The following INTS6 variants were observed in gnomAD, a reference collection of about 807,000 sequenced individuals.
INTS6 encodes the protein integrator complex subunit 6, also known as DEAD box protein.
In INTS6, 16 loss-of-function variants were observed where a neutral mutation model predicts 104.9. The observed-to-expected ratio is 0.15, with a 90% CI of 0.10 to 0.23. INTS6 has a LOEUF of 0.23. INTS6 is among the 10% of genes least tolerant of loss of function. The pLI is 1.00. For missense variants in INTS6, 584 were observed against 1,062.8 expected (o/e 0.55, Z 6.26); for synonymous variants, 324 against 358.7 (o/e 0.90, Z 1.09).
chr13:51,421,120 C>T (rs1956888779), intron 4 of INTS6: 2 of 985,706 alleles, frequency 2.0e-6, no homozygotes, highest in African/African-American at 1.7e-5. Context: ...ACCTTTAAGG[C>T]TTTTTCTGAG....
rs141433862 is a variant in INTS6, at chr13:51,450,413, AGT to A, written c.339+610_339+611del. 9.6e-3 allele frequency: 9,480 copies of A among 985,412 alleles called. 96 individuals are homozygous for A. The highest frequency in any genetic ancestry group is 0.073 in the East Asian group (648 of 8,820). 61.0% of individuals were successfully genotyped at this position (985,412 alleles called of 1,614,324 possible). A position where few individuals can be genotyped will look rare whatever the true frequency, so the allele number is the denominator to read the frequency against. On this transcript the variant is annotated intron_variant, in intron 3 of 17. Transcript: ENST00000311234. ...GAAGGGTTCTTTCATATTTTCCAGC[AGT>A]CTTTTTTTCCAAGGGTTTGGAGTTT...
In INTS6 at chr13:51,452,520, G is replaced by A. The variant is rs778770146; in HGVS notation, c.6C>T (p.Pro2=). 2 of 1,611,004 alleles carry A rather than the reference G, an allele frequency of 1.2e-6. No individual in the cohort carries two copies. Among genetic ancestry groups the A allele is most frequent in the East Asian group, 2.2e-5 (1 of 44,710 alleles). Residue 2 remains proline, a synonymous_variant, in exon 1 of 18, where the codon CCC becomes CCT. Coordinates refer to ENST00000311234, the MANE Select transcript of INTS6 (RefSeq NM_012141.3). This position sits in a 1 kb window ranked among gnomAD's most constrained non-coding sequence, Gnocchi z 4.2. ...ACGTGTCTATCAGGAACAGTAAGATGGGCATAGTGCTGGCCGGGGACACCG... is the reference window on the plus strand; with the variant it reads ...ACGTGTCTATCAGGAACAGTAAGATAGGCATAGTGCTGGCCGGGGACACCG... M[P]ILLFLIDTSA...
intron 4 of INTS6, among the ~76,000 whole-genome samples, chr13:51,423,530 GGA>G (rs1161598961): frequency 2.6e-5 from 4 of 152,020 alleles, no homozygotes; most frequent in African/African-American, 7.2e-5. Flanking sequence ...TGGGGTCTAA[GGA>G]GAGTCCTCAA....
At chr13:51,375,475 G>GC (rs1566208697) in intron 13 of INTS6, among the ~76,000 whole-genome samples, 1,286 of 75,278 alleles carry the variant, frequency 0.017, 19 homozygotes, top group African/African-American at 0.097. Flanking sequence ...GTACAGTATG[G>GC]TAAAAAAAAA....
At chr13:51,373,153 A>G (rs1955846273) in intron 15 of INTS6, among the ~76,000 whole-genome samples, 1 of 148,224 alleles carries the variant, frequency 6.7e-6, no homozygotes, top group African/African-American at 2.5e-5. Flanking sequence ...TGTCCCCTGT[A>G]TTTCCTATAA....
intron 2 of INTS6, 141 bp downstream of exon 2, chr13:51,451,837 G>T (rs1037552936): frequency 2.1e-6 from 1 of 483,458 alleles, no homozygotes; most frequent in Non-Finnish European, 3.7e-6. Flanking sequence ...GTGGGAGCCC[G>T]CAGGGAAGAG....
rs917354867 is a variant in INTS6, at chr13:51,406,645, A to G, written c.430-11162T>C. On this transcript the variant is annotated intron_variant, in intron 4 of 17. Transcript: ENST00000311234. ...TTTATCTCCCTCTCCTCCACCCCCTACCTCTAAATAAAACCCTTGGATGGC... is the reference window on the plus strand; with the variant it reads ...TTTATCTCCCTCTCCTCCACCCCCTGCCTCTAAATAAAACCCTTGGATGGC... Among the ~76,000 whole-genome samples, 18 of 151,966 alleles carry G rather than the reference A, an allele frequency of 1.2e-4. No homozygotes were observed. The East Asian group carries it at 2.5e-3, about 21-fold the overall frequency.
chr13:51,381,705 T>G (rs919138838), intron 10 of INTS6, among the ~76,000 whole-genome samples: 20 of 151,774 alleles, frequency 1.3e-4, no homozygotes, highest in African/African-American at 4.6e-4. Flanking sequence ...TTTTTTGTTT[T>G]TTTTTTTTTG....
At chr13:51,449,409 A>G in intron 3 of INTS6, 1 of 942,286 alleles carries the variant, frequency 1.1e-6, no homozygotes, top group Non-Finnish European at 1.3e-6. Flanking sequence ...ATCAACTGGG[A>G]AAAGGAAAAT....
Position 51,369,279 on chromosome 13 carries a change from A to G in INTS6, c.2136T>C (p.His712=). 1 of 1,611,676 alleles carries G rather than the reference A, an allele frequency of 6.2e-7. No individual in the cohort carries two copies. The highest frequency in any genetic ancestry group is 1.3e-5 in the African/African-American group (1 of 74,988). Residue 712 remains histidine, a synonymous_variant, in exon 16 of 18, where the codon CAT becomes CAC. Coordinates refer to ENST00000311234, the MANE Select transcript of INTS6 (RefSeq NM_012141.3). ...CTGCAACATGATTTTCAACCACATC[A>G]TGTATTATCGAATCATTAGTGGTTT... ...ISETTNDSII[H]DVVENHVADQ...
At chr13:51,451,368 G>A in intron 2 of INTS6, 194 bp from the exon 3 acceptor site, 1 of 389,194 alleles carries the variant, frequency 2.6e-6, no homozygotes, top group Non-Finnish European at 4.5e-6. Context: ...TCCTCTCTAG[G>A]TTTTGGTAGT....
downstream of INTS6, among the ~76,000 whole-genome samples, chr13:51,351,741 TG>T (rs959222319): frequency 4.6e-5 from 7 of 152,134 alleles, no homozygotes; most frequent in Admixed American, 2.6e-4. Flanking sequence ...TTTAGGTGTA[TG>T]TTTTTTTTCC....
intron 3 of INTS6, chr13:51,440,317 T>A (rs1328255446): frequency 1.3e-5 from 2 of 152,024 alleles, no homozygotes; most frequent in African/African-American, 4.8e-5. Flanking sequence ...AGAATAAGGA[T>A]ATAAATATTT....
rs1057129923 is a variant in INTS6, at chr13:51,413,103, C to T, written c.429+17191G>A. 2.0e-5 allele frequency among the ~76,000 whole-genome samples: 3 copies of T among 152,278 alleles called. No homozygotes were observed. The East Asian group carries it at 5.8e-4, about 29-fold the overall frequency. On this transcript the variant is annotated intron_variant, in intron 4 of 17. Coordinates refer to ENST00000311234, the MANE Select transcript of INTS6 (RefSeq NM_012141.3). The stretch of plus-strand genomic sequence containing the variant: ...CAAAAAGAAAGACAGGATAGTCCTT[C>T]CTTGTCACTGTGGGACAGAAAGGCA...
At chr13:51,356,936 C>T (rs1955489994), downstream of INTS6, among the ~76,000 whole-genome samples, 1 of 152,222 alleles carries the variant, frequency 6.6e-6, no homozygotes, top group East Asian at 1.9e-4. Flanking sequence ...ACAAAACATG[C>T]CAGTCTGTTA....
At chr13:51,373,023 G>A (rs1013215267) in intron 15 of INTS6, among the ~76,000 whole-genome samples, 10 of 151,892 alleles carry the variant, frequency 6.6e-5, no homozygotes, top group African/African-American at 1.7e-4. Context: ...AAATCCTTCC[G>A]TACCCCTTTT....
intron 4 of INTS6, among the ~76,000 whole-genome samples, chr13:51,396,092 C>T (rs573447453): frequency 2.6e-5 from 4 of 152,082 alleles, no homozygotes; most frequent in South Asian, 2.1e-4. Context: ...CCACCATGCC[C>T]GGTCTTATTA....
chr13:51,360,714 T>A (rs955341264), downstream of INTS6, among the ~76,000 whole-genome samples: 2 of 152,050 alleles, frequency 1.3e-5, no homozygotes, highest in South Asian at 4.1e-4. Context: ...CAGAATACAG[T>A]CATGCAACAC....
intron 3 of INTS6, chr13:51,446,326 T>C (rs1032839697): frequency 9.2e-5 from 14 of 152,104 alleles, no homozygotes; most frequent in African/African-American, 3.4e-4. Context: ...AAATAATTAT[T>C]AGGAAAATGT....
Sources: allele counts gnomAD v4.1 joint callset (sites outside exome capture counted in the v4.1 genomes callset), GRCh38; gene constraint gnomAD v4.1.1; non-coding constraint Gnocchi (gnomAD v3.1); transcripts MANE v1.5; gene names NCBI Gene and HGNC (gene_info 2026-07-23, HGNC 2026-07-21).